Variants in CMSS1 observed in about 807,000 individuals in gnomAD.
The protein encoded by CMSS1 is cms1 ribosomal small subunit homolog.
CMSS1 carries 33 observed loss-of-function variants against 43.5 expected under a neutral mutation model. The ratio of observed to expected loss-of-function variants is 0.76; its 90% CI spans 0.57 to 1.01. CMSS1 has a LOEUF of 1.01. Among genes scored for constraint, CMSS1 ranks in the 50% least tolerant of loss-of-function variants. The pLI is 0.00. For synonymous variants in CMSS1, 115 were observed against 117.2 expected (o/e 0.98, Z 0.12); for missense variants, 313 against 326.4 (o/e 0.96, Z 0.32).
intron 1 of CMSS1, among the ~76,000 whole-genome samples, chr3:100,093,587 A>C (rs2066151250): frequency 6.6e-6 from 1 of 152,176 alleles, no homozygotes. Context: ...GTAACATCTT[A>C]CAGAACTGTA....
intron 1 of CMSS1, among the ~76,000 whole-genome samples, chr3:100,105,425 C>T (rs1443115462): frequency 3.9e-5 from 6 of 152,092 alleles, no homozygotes; most frequent in African/African-American, 9.7e-5. Context: ...AACTGCAATT[C>T]GTATCTAACA....
At chr3:100,014,645 G>T (rs1023624737) in intron 1 of CMSS1, among the ~76,000 whole-genome samples, 12 of 151,924 alleles carry the variant, frequency 7.9e-5, no homozygotes, top group Non-Finnish European at 1.5e-4. Flanking sequence ...CTTCTTTTGA[G>T]AAATGTCTTT....
chr3:99,874,965 A>G (rs1326416471), intron 1 of CMSS1, among the ~76,000 whole-genome samples: 1 of 152,214 alleles, frequency 6.6e-6, no homozygotes, highest in East Asian at 1.9e-4. Context: ...GAGTAAATAT[A>G]AATGGCAGCC....
chr3:100,162,733 G>C (rs1183184973), intron 4 of CMSS1, among the ~76,000 whole-genome samples: 10 of 152,194 alleles, frequency 6.6e-5, no homozygotes. Flanking sequence ...CAGCACTCTG[G>C]GAGGCTGAGA....
At chr3:99,957,693 C>CTTTTTTTTTTTTTTTTTTTTTTTTTTTTT (rs779350496) in intron 1 of CMSS1, among the ~76,000 whole-genome samples, 204 of 19,900 alleles carry the variant, frequency 0.01, 75 homozygotes, top group Non-Finnish European at 0.014. Flanking sequence ...TTCTTTCTTT[C>CTTTTTTTTTTTTTTTTTTTTTTTTTTTTT]TTTTTTTTTT....
chr3:99,856,923 CTTATA>C (rs879442364), intron 1 of CMSS1, among the ~76,000 whole-genome samples: 32 of 152,206 alleles, frequency 2.1e-4, no homozygotes, highest in South Asian at 4.2e-4. Flanking sequence ...CCCATAATAA[CTTATA>C]TTATAATTCT....
At chr3:100,163,621 C>T (rs1198296064) in intron 4 of CMSS1, among the ~76,000 whole-genome samples, 2 of 152,142 alleles carry the variant, frequency 1.3e-5, no homozygotes, top group Non-Finnish European at 1.5e-5. Context: ...ACTGCAGCCT[C>T]GAACTCCTGG....
At chr3:100,053,930 T>C (rs1175245423) in intron 1 of CMSS1, among the ~76,000 whole-genome samples, 1 of 152,238 alleles carries the variant, frequency 6.6e-6, no homozygotes, top group Non-Finnish European at 1.5e-5. Flanking sequence ...TCCAAGTGTT[T>C]CCAAGCATTG....
intron 1 of CMSS1, chr3:99,930,943 T>C: frequency 6.2e-7 from 1 of 1,613,742 alleles, no homozygotes; most frequent in Non-Finnish European, 8.5e-7. Flanking sequence ...TTTTAGGCCC[T>C]TGGAAACTGT....
intron 1 of CMSS1, among the ~76,000 whole-genome samples, chr3:100,026,225 C>CA (rs2064918336): frequency 6.6e-6 from 1 of 151,972 alleles, no homozygotes; most frequent in Admixed American, 6.6e-5. Context: ...AATACTTTGT[C>CA]AAAAATGCCC....
At chr3:100,075,571 T>A (rs1365667523) in intron 1 of CMSS1, 2 of 151,970 alleles carry the variant, frequency 1.3e-5, no homozygotes, top group Non-Finnish European at 2.9e-5. Context: ...TTTTCTTTTT[T>A]TTTTTTTAAC....
chr3:99,899,534 G>C (rs1576557732), intron 1 of CMSS1, among the ~76,000 whole-genome samples: 1 of 152,288 alleles, frequency 6.6e-6, no homozygotes, highest in Admixed American at 6.5e-5. Flanking sequence ...AGATCTAAAT[G>C]GTAGCTGTTG....
intron 1 of CMSS1, among the ~76,000 whole-genome samples, chr3:99,855,898 G>A (rs141498155): frequency 6.6e-6 from 1 of 151,978 alleles, no homozygotes; most frequent in African/African-American, 2.4e-5. Flanking sequence ...TTAACAAATC[G>A]GACAGCCAAA....
At chr3:99,898,237 G>A (rs890500183) in intron 1 of CMSS1, 8 of 152,178 alleles carry the variant, frequency 5.3e-5, no homozygotes, top group Non-Finnish European at 1.2e-4. Context: ...TATATTGTAG[G>A]TAGCATTATT....
chr3:99,939,389 A>G (rs1010263611), intron 1 of CMSS1, among the ~76,000 whole-genome samples: 1 of 152,210 alleles, frequency 6.6e-6, no homozygotes, highest in African/African-American at 2.4e-5. Context: ...CCTTTAACCG[A>G]AAGGACTCTA....
intron 1 of CMSS1, among the ~76,000 whole-genome samples, chr3:100,006,428 C>T (rs1311063421): frequency 6.6e-6 from 1 of 151,986 alleles, no homozygotes; most frequent in Non-Finnish European, 1.5e-5. Flanking sequence ...AACTATTACC[C>T]ACAAATGGAT....
intron 1 of CMSS1, chr3:100,040,208 C>A (rs1316778871): frequency 6.6e-6 from 1 of 152,164 alleles, no homozygotes; most frequent in Non-Finnish European, 1.5e-5. Context: ...GTAACCATCT[C>A]TTACCACTTA....
At chr3:100,058,420 A>G (rs954418375) in intron 1 of CMSS1, among the ~76,000 whole-genome samples, 9 of 152,234 alleles carry the variant, frequency 5.9e-5, no homozygotes, top group Non-Finnish European at 1.2e-4. Context: ...GCAGGCAGAG[A>G]AAAGTTGACA....
At chr3:99,916,437 T>TACACACACACACACACACACACAC (rs10529210) in intron 1 of CMSS1, among the ~76,000 whole-genome samples, 1 of 137,068 alleles carries the variant, frequency 7.3e-6, no homozygotes, top group Non-Finnish European at 1.6e-5. Flanking sequence ...TAACGGTTTA[T>TACACACACACACACACACACACAC]ACACACACAC....
Sources: gnomAD v4.1 joint callset for allele counts (sites outside exome capture counted in the v4.1 genomes callset) on GRCh38, gnomAD v4.1.1 for gene constraint, MANE v1.5 for transcripts, NCBI Gene and HGNC (gene_info 2026-07-23, HGNC 2026-07-21) for gene names.